The following LDLRAD3 variants were observed in gnomAD, a reference collection of about 807,000 sequenced individuals.
The protein encoded by LDLRAD3 is low density lipoprotein receptor class A domain containing 3, also known as low-density lipoprotein receptor class A domain-containing protein 3.
Under a neutral mutation model 29.4 loss-of-function variants are expected in LDLRAD3, and 20 were observed. That is an observed-to-expected ratio of 0.68 (90% confidence interval 0.48 to 0.99). The LOEUF (loss-of-function observed/expected upper bound fraction) is 0.99. Among genes scored for constraint, LDLRAD3 ranks in the 50% least tolerant of loss-of-function variants. LDLRAD3 has a pLI of 0.00. For synonymous variants in LDLRAD3, 157 were observed against 192.7 expected (o/e 0.81, Z 1.53); for missense variants, 420 against 454.3 (o/e 0.92, Z 0.69).
chr11:35,948,501 T>C (rs1229149551), intron 1 of LDLRAD3, among the ~76,000 whole-genome samples: 1 of 152,020 alleles, frequency 6.6e-6, no homozygotes, highest in Non-Finnish European at 1.5e-5. Context: ...TGTATGTAAC[T>C]GCCTTCTTCT....
At chr11:36,227,049 C>G in intron 4 of LDLRAD3, 36 bp from the exon 5 acceptor site, 389 of 1,395,088 alleles carry the variant, frequency 2.8e-4, no homozygotes, top group Non-Finnish European at 3.5e-4. Flanking sequence ...AAACTGGTAA[C>G]CTTCTCTCTT....
At chr11:35,983,552 C>T (rs1851570256) in intron 1 of LDLRAD3, among the ~76,000 whole-genome samples, 1 of 152,102 alleles carries the variant, frequency 6.6e-6, no homozygotes, top group Non-Finnish European at 1.5e-5. Flanking sequence ...GGGTGTGTGG[C>T]GGTCAAGGTA....
intron 4 of LDLRAD3, among the ~76,000 whole-genome samples, chr11:36,157,973 C>T (rs1319358675): frequency 6.6e-6 from 1 of 152,152 alleles, no homozygotes; most frequent in Non-Finnish European, 1.5e-5. Flanking sequence ...ATTTGGACCC[C>T]AACCTACAAT....
intron 2 of LDLRAD3, among the ~76,000 whole-genome samples, chr11:36,062,764 G>A (rs1419195383): frequency 4.6e-5 from 7 of 152,172 alleles, no homozygotes; most frequent in Non-Finnish European, 2.9e-5. Context: ...GCACGTGTTT[G>A]CTTACCCTTC....
intron 4 of LDLRAD3, among the ~76,000 whole-genome samples, chr11:36,202,199 G>T (rs542967817): frequency 1.3e-5 from 2 of 151,968 alleles, no homozygotes; most frequent in Non-Finnish European, 2.9e-5. Flanking sequence ...GCACCACCAC[G>T]CCCAGCTAAT....
intron 2 of LDLRAD3, among the ~76,000 whole-genome samples, chr11:36,049,087 C>CT (rs1259984669): frequency 6.6e-6 from 1 of 152,058 alleles, no homozygotes; most frequent in Non-Finnish European, 1.5e-5. Flanking sequence ...GTCAGGTTGC[C>CT]TGGGCCCCTG....
chr11:36,049,706 C>A (rs1241137752), intron 2 of LDLRAD3, among the ~76,000 whole-genome samples: 1 of 151,568 alleles, frequency 6.6e-6, no homozygotes, highest in Non-Finnish European at 1.5e-5. Flanking sequence ...AGGTAGGTTA[C>A]ATTGCAAGTA....
At chr11:36,228,856 G>A (rs1855534365) in intron 5 of LDLRAD3, among the ~76,000 whole-genome samples, 1 of 152,092 alleles carries the variant, frequency 6.6e-6, no homozygotes, top group Non-Finnish European at 1.5e-5. Flanking sequence ...GAGCAGAGTG[G>A]CAATGCCAAA....
chr11:36,092,543 G>A (rs1853299209), intron 3 of LDLRAD3, among the ~76,000 whole-genome samples: 1 of 151,942 alleles, frequency 6.6e-6, no homozygotes, highest in African/African-American at 2.4e-5. Context: ...ACCCTTCCCA[G>A]TCTCTGTTAT....
chr11:36,042,195 C>G (rs1852391926), intron 2 of LDLRAD3, among the ~76,000 whole-genome samples: 1 of 152,062 alleles, frequency 6.6e-6, no homozygotes, highest in African/African-American at 2.4e-5. Context: ...CGTCTTCTGC[C>G]TCTAGGTGGT....
intron 1 of LDLRAD3, among the ~76,000 whole-genome samples, chr11:35,949,112 T>C (rs1237235355): frequency 6.6e-6 from 1 of 152,180 alleles, no homozygotes; most frequent in East Asian, 1.9e-4. Context: ...CAAGGGCCTT[T>C]GGGCTTTGGC....
In LDLRAD3 at chr11:36,045,938, A is replaced by G. The variant is rs201577644; in HGVS notation, c.193+9689A>G. Reference sequence around the variant, plus strand: ...GTTTTAAGACCCGCGTGCATTAGGTATTTGTCCTAATGCTCTCCCTCCCTT... The same window carrying G: ...GTTTTAAGACCCGCGTGCATTAGGTGTTTGTCCTAATGCTCTCCCTCCCTT... On this transcript the variant is annotated intron_variant, in intron 2 of 5. Transcript: ENST00000315571. Among the ~76,000 whole-genome samples the G allele has an allele frequency of 3.3e-5, 5 of 151,904 alleles. No homozygotes were observed. In the East Asian group the frequency reaches 7.7e-4, roughly 24 times the overall value.
intron 4 of LDLRAD3, among the ~76,000 whole-genome samples, chr11:36,202,464 A>G (rs751224084): frequency 2.0e-5 from 3 of 152,180 alleles, no homozygotes; most frequent in Admixed American, 6.5e-5. Flanking sequence ...ACCACTTGAC[A>G]TGCATCTTTC....
At position 36,229,665 on chromosome 11, in the gene LDLRAD3, C is replaced by T. The variant is rs1855550096; in HGVS notation, c.*268C>T. 1 of 482,954 alleles carries T rather than the reference C, an allele frequency of 2.1e-6. No individual in the cohort carries two copies. The highest frequency in any genetic ancestry group is 3.7e-6 in the Non-Finnish European group (1 of 270,112). The allele number at this position is 482,954 out of a possible 1,614,324, so 29.9% of individuals were successfully genotyped here. A position where few individuals can be genotyped will look rare whatever the true frequency, so the allele number is the denominator to read the frequency against. On this transcript the variant is annotated 3_prime_UTR_variant, in exon 6 of 6. Transcript: ENST00000315571. ...TCACACCCTCATTTTTCACATTATT[C>T]TGTTTCTGTTGGAGAGACAGCATAT...
intron 4 of LDLRAD3, among the ~76,000 whole-genome samples, chr11:36,224,280 A>C (rs1336922166): frequency 1.3e-5 from 2 of 152,060 alleles, no homozygotes; most frequent in African/African-American, 4.8e-5. Context: ...TTCACAGACG[A>C]GGAGGGTGAG....
At chr11:35,952,843 G>A (rs561148260) in intron 1 of LDLRAD3, among the ~76,000 whole-genome samples, 1 of 152,160 alleles carries the variant, frequency 6.6e-6, no homozygotes, top group Non-Finnish European at 1.5e-5. Context: ...AGCTTATATG[G>A]TCCATGTATG....
In LDLRAD3 at chr11:36,231,273, C is replaced by T. The variant is rs895825812; in HGVS notation, c.*1876C>T. ...AAGGATGTTACAGAAAAGCTAGCCACTGGTATTTTGTTTTGTTTAAAAAAA... is the reference window on the plus strand; with the variant it reads ...AAGGATGTTACAGAAAAGCTAGCCATTGGTATTTTGTTTTGTTTAAAAAAA... On this transcript the variant is annotated 3_prime_UTR_variant, in exon 6 of 6. Transcript: ENST00000315571. 3 of 151,072 alleles carry T rather than the reference C, an allele frequency of 2.0e-5. No individual in the cohort carries two copies. Among genetic ancestry groups the T allele is most frequent in the African/African-American group, 7.3e-5 (3 of 41,022 alleles). The allele number at this position is 151,072 out of a possible 1,614,324, so 9.4% of individuals were successfully genotyped here. A position where few individuals can be genotyped will look rare whatever the true frequency, so the allele number is the denominator to read the frequency against.
Position 35,967,809 on chromosome 11 carries a change from C to T in LDLRAD3, c.46+23665C>T, listed in dbSNP as rs372303594. On this transcript the variant is annotated intron_variant, in intron 1 of 5. Coordinates refer to ENST00000315571, the MANE Select transcript of LDLRAD3 (RefSeq NM_174902.4). The stretch of plus-strand genomic sequence containing the variant: ...GACTTAGTGTTTTCAGATATAGCAG[C>T]CTGCAAGCTCCTGCCATTGCAGTAT... The T allele has an allele frequency of 6.7e-4, 295 of 439,144 alleles. 2 individuals carry two copies. The highest frequency in any genetic ancestry group is 4.7e-4 in the Admixed American group (18 of 38,440). 27.2% of individuals were successfully genotyped at this position (439,144 alleles called of 1,614,324 possible).
At chr11:36,170,297 T>TATAC (rs1264336261) in intron 4 of LDLRAD3, among the ~76,000 whole-genome samples, 4 of 80,794 alleles carry the variant, frequency 5.0e-5, no homozygotes, top group Admixed American at 1.5e-4. Flanking sequence ...TATACACACA[T>TATAC]ATATATACAT....
Sources: gnomAD v4.1 joint callset for allele counts (sites outside exome capture counted in the v4.1 genomes callset) on GRCh38, gnomAD v4.1.1 for gene constraint, MANE v1.5 for transcripts, NCBI Gene and HGNC (gene_info 2026-07-23, HGNC 2026-07-21) for gene names.